AGBL4: variants seen among roughly 807,000 people sequenced by gnomAD.
AGBL4 encodes AGBL carboxypeptidase 4.
AGBL4 carries 58 observed loss-of-function variants against 66.4 expected under a neutral mutation model. The ratio of observed to expected loss-of-function variants is 0.87; its 90% CI spans 0.71 to 1.09. The LOEUF (loss-of-function observed/expected upper bound fraction) is 1.09. AGBL4 is among the 50% of genes least tolerant of loss of function. The pLI is 0.00. For synonymous variants in AGBL4, 234 were observed against 222.9 expected (o/e 1.05, Z -0.44); for missense variants, 579 against 631.0 (o/e 0.92, Z 0.88).
intron 1 of AGBL4, among the ~76,000 whole-genome samples, chr1:49,893,135 C>CA (rs1433888945): frequency 6.6e-6 from 1 of 152,102 alleles, no homozygotes; most frequent in Non-Finnish European, 1.5e-5. Context: ...GAAGAAGGTG[C>CA]AAAAATCCAT....
intron 6 of AGBL4, among the ~76,000 whole-genome samples, chr1:48,734,735 C>A (rs7538861): frequency 0.73 from 110,547 of 152,118 alleles, 41,185 homozygotes; most frequent in Middle Eastern, 0.85. Flanking sequence ...CTCAAACAGA[C>A]CTTCTCCAAC....
intron 3 of AGBL4, among the ~76,000 whole-genome samples, chr1:49,338,732 T>C (rs957761027): frequency 6.6e-6 from 1 of 152,082 alleles, no homozygotes; most frequent in African/African-American, 2.4e-5. Flanking sequence ...AAATATCTGC[T>C]CCGATGATCA....
intron 6 of AGBL4, among the ~76,000 whole-genome samples, chr1:48,729,403 T>C (rs1048933851): frequency 1.3e-5 from 2 of 152,136 alleles, no homozygotes; most frequent in Admixed American, 6.5e-5. Context: ...GCAAAACCCT[T>C]GGGGACTCTT....
intron 2 of AGBL4, among the ~76,000 whole-genome samples, chr1:49,720,198 C>G (rs951478106): frequency 1.3e-5 from 2 of 151,856 alleles, no homozygotes; most frequent in Non-Finnish European, 2.9e-5. Flanking sequence ...ATCCAAAATC[C>G]AAAAAATGCT....
At chr1:48,712,521 G>A (rs1646984596) in intron 6 of AGBL4, among the ~76,000 whole-genome samples, 1 of 152,116 alleles carries the variant, frequency 6.6e-6, no homozygotes, top group African/African-American at 2.4e-5. Context: ...ATAACATAGA[G>A]CTCTAAACAC....
chr1:49,236,313 C>T (rs1650739079), intron 4 of AGBL4, among the ~76,000 whole-genome samples: 1 of 152,076 alleles, frequency 6.6e-6, no homozygotes, highest in Non-Finnish European at 1.5e-5. Context: ...TAGGTGTGAG[C>T]CACCACACCC....
chr1:48,822,420 C>T lies in AGBL4; in HGVS notation c.634+44771G>A, dbSNP rs186502680. Reference sequence around the variant, plus strand: ...ATAATATATTGAGGAAGCAATCGGACCTAGAAGAGCACATGCTATATGATT... The same window carrying T: ...ATAATATATTGAGGAAGCAATCGGATCTAGAAGAGCACATGCTATATGATT... On this transcript the variant is annotated intron_variant, in intron 6 of 13. Coordinates refer to ENST00000371839, the MANE Select transcript of AGBL4 (RefSeq NM_032785.4). 3.2e-3 allele frequency among the ~76,000 whole-genome samples: 488 copies of T among 152,286 alleles called. 3 individuals are homozygous for T. Among genetic ancestry groups the T allele is most frequent in the African/African-American group, 0.01 (436 of 41,568 alleles).
At chr1:49,728,082 G>A (rs750450486) in intron 2 of AGBL4, among the ~76,000 whole-genome samples, 14 of 152,102 alleles carry the variant, frequency 9.2e-5, no homozygotes, top group Non-Finnish European at 1.8e-4. Context: ...TAGTTTTCAA[G>A]TTGCACAAAA....
chr1:48,619,585 C>A (rs1234596076), intron 9 of AGBL4, among the ~76,000 whole-genome samples: 3 of 152,220 alleles, frequency 2.0e-5, no homozygotes, highest in Non-Finnish European at 4.4e-5. Flanking sequence ...GGCCGAGTCA[C>A]ATAGCAAAGA....
intron 1 of AGBL4, among the ~76,000 whole-genome samples, chr1:49,883,978 T>C (rs1480842019): frequency 6.6e-6 from 1 of 152,004 alleles, no homozygotes; most frequent in African/African-American, 2.4e-5. Context: ...CCATTAAAAA[T>C]AATGACATTT....
chr1:49,718,266 T>C (rs1648318564), intron 2 of AGBL4, among the ~76,000 whole-genome samples: 2 of 151,862 alleles, frequency 1.3e-5, no homozygotes, highest in South Asian at 4.2e-4. Context: ...CTTAAAAGAG[T>C]GTAGCATCTC....
intron 3 of AGBL4, among the ~76,000 whole-genome samples, chr1:49,662,084 C>A (rs1646280025): frequency 6.6e-6 from 1 of 151,354 alleles, no homozygotes; most frequent in African/African-American, 2.4e-5. Context: ...TATATTATTT[C>A]TTTTAAATAA....
intron 11 of AGBL4, among the ~76,000 whole-genome samples, chr1:48,557,520 C>T (rs1246012205): frequency 5.9e-5 from 9 of 152,006 alleles, no homozygotes; most frequent in African/African-American, 1.9e-4. Context: ...GAGAAGGAGG[C>T]CCTGAATACC....
At chr1:48,774,458 A>G (rs535759362) in intron 6 of AGBL4, among the ~76,000 whole-genome samples, 2 of 152,324 alleles carry the variant, frequency 1.3e-5, no homozygotes, top group African/African-American at 4.8e-5. Flanking sequence ...GGTTTGGCCA[A>G]CTTCAAGTTG....
intron 6 of AGBL4, among the ~76,000 whole-genome samples, chr1:48,840,133 C>T (rs1355352889): frequency 1.3e-5 from 2 of 152,130 alleles, no homozygotes; most frequent in African/African-American, 4.8e-5. Context: ...CACGTTCACG[C>T]TACCTTCAGT....
chr1:48,625,270 A>G (rs1175576729), intron 9 of AGBL4, among the ~76,000 whole-genome samples: 1 of 151,598 alleles, frequency 6.6e-6, no homozygotes, highest in African/African-American at 2.4e-5. Context: ...GCCTTAAGTG[A>G]TCCTCCCACC....
intron 2 of AGBL4, among the ~76,000 whole-genome samples, chr1:49,803,765 C>T (rs1044881747): frequency 2.0e-5 from 3 of 152,094 alleles, no homozygotes; most frequent in African/African-American, 7.2e-5. Flanking sequence ...TATGTCATTG[C>T]CATCAGTATC....
intron 3 of AGBL4, among the ~76,000 whole-genome samples, chr1:49,406,285 G>C (rs1043024875): frequency 6.6e-6 from 1 of 151,856 alleles, no homozygotes; most frequent in African/African-American, 2.4e-5. Context: ...AATAGAAAAA[G>C]AGCCCTCAAT....
intron 4 of AGBL4, among the ~76,000 whole-genome samples, chr1:49,212,863 T>A (rs1047804257): frequency 2.0e-5 from 3 of 152,158 alleles, no homozygotes; most frequent in Non-Finnish European, 4.4e-5. Context: ...AATTGTAAGG[T>A]TAGCATGTTT....
Sources: gnomAD v4.1 joint callset for allele counts (sites outside exome capture counted in the v4.1 genomes callset) on GRCh38, gnomAD v4.1.1 for gene constraint, MANE v1.5 for transcripts, NCBI Gene and HGNC (gene_info 2026-07-23, HGNC 2026-07-21) for gene names.